The following PON2 variants were observed in gnomAD, a reference collection of about 807,000 sequenced individuals.
PON2 encodes the protein paraoxonase 2, also known as serum paraoxonase/arylesterase 2.
A neutral mutation model predicts 36.6 loss-of-function variants in PON2; 27 were observed. That is an observed-to-expected ratio of 0.74 (90% CI 0.54 to 1.02). The LOEUF (loss-of-function observed/expected upper bound fraction) is 1.02. PON2 is among the 50% of genes least tolerant of loss of function. The pLI, the probability that PON2 is intolerant of heterozygous loss-of-function variation, is 0.00. For synonymous variants in PON2, 149 were observed against 156.3 expected (o/e 0.95, Z 0.35); for missense variants, 363 against 421.1 (o/e 0.86, Z 1.21).
At chr7:95,425,457 A>G (rs564614232) in intron 1 of PON2, among the ~76,000 whole-genome samples, 1 of 152,284 alleles carries the variant, frequency 6.6e-6, no homozygotes, top group East Asian at 1.9e-4. Context: ...GCCACATACT[A>G]TTGGCTTTCC....
intron 4 of PON2, 103 bp from the exon 5 acceptor site, chr7:95,411,882 T>A: frequency 1.6e-6 from 2 of 1,269,848 alleles, no homozygotes; most frequent in East Asian, 4.7e-5. Flanking sequence ...GTTGAATGTA[T>A]AAGCTGTTAG....
chr7:95,405,130 T>C lies in PON2; in HGVS notation c.*200A>G. ...GCAGCTTTCTTTTCTGTCCCTTGCTTGGCATTTTAAAGAACCTGTTCATTT... is the reference window on the plus strand; with the variant it reads ...GCAGCTTTCTTTTCTGTCCCTTGCTCGGCATTTTAAAGAACCTGTTCATTT... On this transcript the variant is annotated 3_prime_UTR_variant, in exon 9 of 9. Transcript: ENST00000222572. 1 of 564,326 alleles carries C rather than the reference T, an allele frequency of 1.8e-6. No individual in the cohort carries two copies. Among genetic ancestry groups the C allele is most frequent in the Non-Finnish European group, 3.1e-6 (1 of 320,942 alleles). 35.0% of individuals were successfully genotyped at this position (564,326 alleles called of 1,614,324 possible).
intron 3 of PON2, among the ~76,000 whole-genome samples, chr7:95,413,847 C>T (rs1788997539): frequency 6.6e-6 from 1 of 152,072 alleles, no homozygotes; most frequent in South Asian, 2.1e-4. Flanking sequence ...TCATGGAGGG[C>T]AAGCCTGGTA....
intron 5 of PON2, among the ~76,000 whole-genome samples, chr7:95,410,377 GT>G (rs1022584791): frequency 1.4e-4 from 21 of 152,216 alleles, no homozygotes; most frequent in Non-Finnish European, 2.9e-4. Context: ...ATCAGGGCAT[GT>G]TTTTTGACAG....
intron 2 of PON2, among the ~76,000 whole-genome samples, chr7:95,419,592 C>G (rs918145305): frequency 6.6e-6 from 1 of 152,158 alleles, no homozygotes; most frequent in African/African-American, 2.4e-5. Context: ...CACGTAGCAA[C>G]ACAGCTATAG....
In PON2 at chr7:95,405,197, T is replaced by C; in HGVS notation, c.*133A>G. The C allele has an allele frequency of 1.0e-6, 1 of 979,392 alleles. No homozygotes were observed. The highest frequency in any genetic ancestry group is 1.5e-6 in the Non-Finnish European group (1 of 655,440). The allele number at this position is 979,392 out of a possible 1,614,324, so 60.7% of individuals were successfully genotyped here. A position where few individuals can be genotyped will look rare whatever the true frequency, so the allele number is the denominator to read the frequency against. On this transcript the variant is annotated 3_prime_UTR_variant, in exon 9 of 9. Coordinates refer to ENST00000222572, the MANE Select transcript of PON2 (RefSeq NM_000305.3). Reference sequence around the variant, plus strand: ...GTGCTCTAAGAACTAAAAGGGCCGTTCCTTACTGGAATAAAATTAACTACA... The same window carrying C: ...GTGCTCTAAGAACTAAAAGGGCCGTCCCTTACTGGAATAAAATTAACTACA...
chr7:95,432,479 CAAT>C (rs777940276), intron 1 of PON2, among the ~76,000 whole-genome samples: 3 of 151,892 alleles, frequency 2.0e-5, no homozygotes, highest in African/African-American at 4.8e-5. Flanking sequence ...GGCATTCTGT[CAAT>C]AAGTTTTATT....
intron 6 of PON2, 62 bp from the exon 7 acceptor site, chr7:95,407,130 G>A (rs2116450694): frequency 9.1e-7 from 1 of 1,097,118 alleles, no homozygotes; most frequent in Non-Finnish European, 1.4e-6. Flanking sequence ...TTAATACAGT[G>A]TGAAAGAATA....
At chr7:95,424,708 G>C in intron 1 of PON2, 123 bp from the exon 2 acceptor site, 4 of 725,286 alleles carry the variant, frequency 5.5e-6, no homozygotes, top group Non-Finnish European at 9.2e-6. Flanking sequence ...GTCTAAAGCA[G>C]ATGAAAGAGA....
chr7:95,413,115 C>CAAAAAAAAAA (rs57147177), intron 3 of PON2: 1 of 63,404 alleles, frequency 1.6e-5, no homozygotes, highest in Non-Finnish European at 3.1e-5. Context: ...TCTGTCTCTA[C>CAAAAAAAAAA]AAAAAAAAAA....
At chr7:95,407,571 G>A (rs917359213) in intron 6 of PON2, among the ~76,000 whole-genome samples, 45 of 152,198 alleles carry the variant, frequency 3.0e-4, no homozygotes, top group African/African-American at 7.9e-4. Context: ...TACTTCAAAG[G>A]TGAGTGAATT....
chr7:95,406,477 A>C (rs1455701589), intron 7 of PON2, among the ~76,000 whole-genome samples: 5 of 152,220 alleles, frequency 3.3e-5, no homozygotes, highest in Non-Finnish European at 7.3e-5. Flanking sequence ...GTAAAAATCT[A>C]TCTTAAAAAC....
At chr7:95,412,939 T>A in intron 3 of PON2, 1 of 200,918 alleles carries the variant, frequency 5.0e-6, no homozygotes, top group Non-Finnish European at 1.0e-5. Context: ...TTTGTTATTT[T>A]AATGTCTCAT....
intron 3 of PON2, chr7:95,415,122 A>G (rs986318233): frequency 6.6e-6 from 1 of 152,178 alleles, no homozygotes; most frequent in African/African-American, 2.4e-5. Context: ...AAAATAATGG[A>G]TGTTGAGAGG....
chr7:95,411,594 A>G (rs1788925542), intron 5 of PON2, 59 bp downstream of exon 5: 9 of 1,598,418 alleles, frequency 5.6e-6, no homozygotes, highest in Non-Finnish European at 7.7e-6. Context: ...ACAACCCACC[A>G]TAGGGATTGT....
rs769155545 is a variant in PON2, at chr7:95,435,021, G to C, written c.-70C>G. The C allele has an allele frequency of 4.2e-6, 6 of 1,428,642 alleles. No homozygotes were observed. The East Asian group carries it at 1.2e-4, about 27-fold the overall frequency. The allele number at this position is 1,428,642 out of a possible 1,614,324, so 88.5% of individuals were successfully genotyped here. On this transcript the variant is annotated 5_prime_UTR_variant, in exon 1 of 9. Coordinates refer to ENST00000222572, the MANE Select transcript of PON2 (RefSeq NM_000305.3). ...GCTCCGTGGGCGGTGCCATCTTCCC[G>C]GCTCGATGGTGCCGGCCGCGCTCCG...
In PON2 at chr7:95,424,534, G is replaced by A. The variant is rs1333405693; in HGVS notation, c.126C>T (p.Cys42=). 1.2e-6 allele frequency: 2 copies of A among 1,612,734 alleles called. No individual in the cohort carries two copies. The highest frequency in any genetic ancestry group is 1.7e-5 in the Admixed American group (1 of 59,974). ...REVESVDLPH[C]HLIKGIEAGS... The stretch of plus-strand genomic sequence containing the variant: ...ACATACCAATTCCTTTAATCAGGTG[G>A]CAGTGTGGAAGGTCTACAGATTCTA... The change falls in exon 2 of 9, where the codon TGC becomes TGT. Residue 42 remains cysteine (C), a synonymous_variant. Transcript: ENST00000222572.
At chr7:95,412,214 T>C (rs1291210209) in intron 4 of PON2, 98 bp downstream of exon 4, 17 of 1,483,204 alleles carry the variant, frequency 1.1e-5, no homozygotes, top group Non-Finnish European at 1.6e-5. Flanking sequence ...ATGAGTTAAT[T>C]GTTCTTCTCT....
intron 1 of PON2, among the ~76,000 whole-genome samples, chr7:95,434,061 A>C (rs550851713): frequency 4.6e-5 from 7 of 152,282 alleles, no homozygotes; most frequent in African/African-American, 1.7e-4. Flanking sequence ...GAGGCCTATA[A>C]AATTTTGGTT....
Sources: gnomAD v4.1 joint callset for allele counts (sites outside exome capture counted in the v4.1 genomes callset) on GRCh38, gnomAD v4.1.1 for gene constraint, MANE v1.5 for transcripts, NCBI Gene and HGNC (gene_info 2026-07-23, HGNC 2026-07-21) for gene names.